The following SDC1 variants were observed in gnomAD, a reference collection of about 807,000 sequenced individuals.
SDC1 encodes syndecan 1, also known as syndecan-1.
A neutral mutation model predicts 29.7 loss-of-function variants in SDC1; 14 were observed. That is an observed-to-expected ratio of 0.47 (90% CI 0.31 to 0.74). The LOEUF (loss-of-function observed/expected upper bound fraction) is 0.74, where lower values mean the gene tolerates loss of function less well. SDC1 is among the 30% of genes least tolerant of loss of function. SDC1 has a pLI of 0.05. For synonymous variants in SDC1, 204 were observed against 175.5 expected, an observed-to-expected ratio of 1.16 and a Z score of -1.29; for missense variants, 406 against 400.3, an observed-to-expected ratio of 1.01 and a Z score of -0.12.
At chr2:20,217,770 C>A (rs1390679245) in intron 1 of SDC1, among the ~76,000 whole-genome samples, 2 of 152,172 alleles carry the variant, frequency 1.3e-5, no homozygotes, top group African/African-American at 4.8e-5. Context: ...GATCAACATG[C>A]CCGCCTTCCC....
rs960236114 is a variant in SDC1 at position 20,219,903 on chromosome 2, G to A, written c.66+4899C>T. 3.6e-4 allele frequency among the ~76,000 whole-genome samples: 55 copies of A among 152,172 alleles called. 4 individuals are homozygous for A. Among genetic ancestry groups the A allele is most frequent in the Non-Finnish European group, 1.5e-5 (1 of 68,016 alleles). On this transcript the variant is annotated intron_variant, in intron 1 of 4. Coordinates refer to ENST00000254351, the MANE Select transcript of SDC1 (RefSeq NM_002997.5). ...ACCAGAGCCAGGAGTCCTGGGTTCT[G>A]GCCACCACCCGCGCCATGCTGCCCG...
Position 20,224,721 on chromosome 2 carries a change from T to A in SDC1, c.66+81A>T. On this transcript the variant is annotated intron_variant, in intron 1 of 4. Transcript: ENST00000254351. This position sits in a 1 kb window ranked among gnomAD's most constrained non-coding sequence, Gnocchi z 4.9. ...GGGAAGTCTTCGCTCCCCCTCCCCC[T>A]CCACGTGCACCCGCCGGCATCCGCG... 1 of 1,224,476 alleles carries A rather than the reference T, an allele frequency of 8.2e-7. No individual in the cohort carries two copies. The highest frequency in any genetic ancestry group is 2.9e-5 in the South Asian group (1 of 34,586). The allele number at this position is 1,224,476 out of a possible 1,614,324, so 75.9% of individuals were successfully genotyped here.
rs1232193921 is a variant in SDC1, at chr2:20,203,861, C to G, written c.579G>C (p.Glu193Asp). The change falls in exon 3 of 5, where the codon GAG becomes GAC. Residue 193 changes from glutamate to aspartate, a missense_variant. Transcript: ENST00000254351. ...CTGGGAGCTGACTGGAGGCTCCATC[C>G]TCAGCAGCCCTCTCGGTGGCAGAAG... Reference protein sequence around the residue: ...GGPSATERAAEDGASSQLPAA... With the variant: ...GGPSATERAADDGASSQLPAA... The G allele has an allele frequency of 2.5e-6, 4 of 1,608,832 alleles. No homozygotes were observed. The African/African-American group carries it at 4.0e-5, about 16-fold the overall frequency.
At chr2:20,213,243 C>T (rs1209192455) in intron 1 of SDC1, among the ~76,000 whole-genome samples, 5 of 152,186 alleles carry the variant, frequency 3.3e-5, no homozygotes, top group Admixed American at 2.6e-4. Context: ...GGCGTGGAGC[C>T]GTGGAGCTGG....
chr2:20,210,825 C>T (rs1205651094), intron 1 of SDC1, among the ~76,000 whole-genome samples: 1 of 152,168 alleles, frequency 6.6e-6, no homozygotes, highest in Non-Finnish European at 1.5e-5. Context: ...GGTCATGAGG[C>T]AGGAGGGCCC....
At chr2:20,223,966 G>C (rs1677906671) in intron 1 of SDC1, among the ~76,000 whole-genome samples, 1 of 152,070 alleles carries the variant, frequency 6.6e-6, no homozygotes. Flanking sequence ...CAAGGGACCC[G>C]CCTTCCCTCC....
At chr2:20,223,113 C>G (rs1677872659) in intron 1 of SDC1, 1 of 515,124 alleles carries the variant, frequency 1.9e-6, no homozygotes, top group Non-Finnish European at 3.2e-6. Flanking sequence ...TCCCCGTGCT[C>G]CCAGATACCC....
intron 2 of SDC1, 47 bp downstream of exon 2, chr2:20,205,296 T>C (rs771087320): frequency 7.0e-7 from 1 of 1,422,586 alleles, no homozygotes; most frequent in Non-Finnish European, 9.9e-7. Context: ...CCCACAGGCA[T>C]GACCTGTTGC....
rs754787956 is a variant in SDC1, at chr2:20,203,115, G to A, written c.735C>T (p.Gly245=). Residue 245 remains glycine, a synonymous_variant, in exon 4 of 5, where the codon GGC becomes GGT. Transcript: ENST00000254351. ...CCAGCACCTCTTTCCTGTCCAGGAGGCCCTGTGAGGCCCCCGTGGCCCCCT... is the reference window on the plus strand; with the variant it reads ...CCAGCACCTCTTTCCTGTCCAGGAGACCCTGTGAGGCCCCCGTGGCCCCCT... ...VDQGATGASQ[G]LLDRKEVLGG... The A allele has an allele frequency of 5.0e-6, 8 of 1,611,610 alleles. No homozygotes were observed. Among genetic ancestry groups the A allele is most frequent in the East Asian group, 2.2e-5 (1 of 44,812 alleles).
intron 1 of SDC1, among the ~76,000 whole-genome samples, chr2:20,215,483 G>A (rs541479710): frequency 4.6e-5 from 7 of 152,342 alleles, no homozygotes; most frequent in East Asian, 1.9e-4. Flanking sequence ...CCCTGTTAAC[G>A]TCAGCAGCAC....
intron 1 of SDC1, among the ~76,000 whole-genome samples, chr2:20,208,390 C>G (rs1015162203): frequency 6.6e-6 from 1 of 152,214 alleles, no homozygotes. Flanking sequence ...CCACTGAAAC[C>G]AGCTCCCTGG....
chr2:20,217,866 G>A lies in SDC1; in HGVS notation c.66+6936C>T, dbSNP rs1005588572. Among the ~76,000 whole-genome samples the A allele has an allele frequency of 9.2e-5, 14 of 152,256 alleles. No homozygotes were observed. The East Asian group carries it at 1.5e-3, about 17-fold the overall frequency. On this transcript the variant is annotated intron_variant, in intron 1 of 4. Transcript: ENST00000254351. ...TGCCAGGACTCTTGGGTGTGTGTGC[G>A]GAGAACATCATACAGCCCCAGCCCT...
chr2:20,210,278 T>C (rs1179069109), intron 1 of SDC1, among the ~76,000 whole-genome samples: 3 of 151,982 alleles, frequency 2.0e-5, no homozygotes, highest in Non-Finnish European at 4.4e-5. Flanking sequence ...GAGGTGGAGG[T>C]TGCAGTGAGC....
chr2:20,221,320 G>A (rs1677807532), intron 1 of SDC1, among the ~76,000 whole-genome samples: 1 of 152,110 alleles, frequency 6.6e-6, no homozygotes, highest in Admixed American at 6.5e-5. Context: ...AAAAGCTGCT[G>A]GCTACACTCA....
intron 1 of SDC1, among the ~76,000 whole-genome samples, chr2:20,206,397 G>C (rs1031609495): frequency 1.3e-5 from 2 of 152,190 alleles, no homozygotes; most frequent in Non-Finnish European, 2.9e-5. Context: ...GCAGGATCAC[G>C]CCACACACAG....
intron 1 of SDC1, among the ~76,000 whole-genome samples, chr2:20,206,616 A>G (rs1043872260): frequency 5.9e-5 from 9 of 152,204 alleles, no homozygotes; most frequent in African/African-American, 1.2e-4. Context: ...GAGGGCCCCA[A>G]TGTCTGGGAC....
chr2:20,205,132 C>T (rs1400891418), intron 2 of SDC1, among the ~76,000 whole-genome samples: 2 of 152,228 alleles, frequency 1.3e-5, no homozygotes, highest in Non-Finnish European at 2.9e-5. Context: ...ACAGCCTTCA[C>T]CTCACCTCCG....
Position 20,225,020 on chromosome 2 carries a change from C to T in SDC1, c.-153G>A. 1.1e-6 allele frequency: 1 copy of T among 939,016 alleles called. No homozygotes were observed. The highest frequency in any genetic ancestry group is 1.4e-6 in the Non-Finnish European group (1 of 739,058). 58.2% of individuals were successfully genotyped at this position (939,016 alleles called of 1,614,324 possible). ...TGCAGGGTCCGCCGGCTGGAGTCCG[C>T]TCTCTACTGCCGGATTCCTCTCCGC... On this transcript the variant is annotated 5_prime_UTR_variant, in exon 1 of 5. Coordinates refer to ENST00000254351, the MANE Select transcript of SDC1 (RefSeq NM_002997.5).
intron 1 of SDC1, among the ~76,000 whole-genome samples, chr2:20,211,185 G>A (rs1186902698): frequency 1.3e-5 from 2 of 152,148 alleles, no homozygotes; most frequent in African/African-American, 2.4e-5. Flanking sequence ...CACTACAAAT[G>A]AAGTCTTTCG....
Sources: gnomAD v4.1 joint callset for allele counts (sites outside exome capture counted in the v4.1 genomes callset) on GRCh38, gnomAD v4.1.1 for gene constraint, Gnocchi (gnomAD v3.1) non-coding constraint, MANE v1.5 for transcripts, NCBI Gene and HGNC (gene_info 2026-07-23, HGNC 2026-07-21) for gene names.